Variants in TBK1 observed in about 807,000 individuals in gnomAD.
TBK1 encodes TANK binding kinase 1.
In TBK1, 37 loss-of-function variants were observed where a neutral mutation model predicts 99.9. The observed-to-expected ratio is 0.37, with a 90% CI of 0.28 to 0.49. The LOEUF is 0.49. Ranked by LOEUF, TBK1 falls within the 20% of genes least tolerant of loss-of-function variation. TBK1 has a pLI of 0.98. For missense variants in TBK1, 644 were observed against 872.5 expected (o/e 0.74, Z 3.30); for synonymous variants, 258 against 279.8 (o/e 0.92, Z 0.78).
At chr12:64,484,010 TACACACACACACACACACAC>T (rs71092971) in intron 8 of TBK1, 1 of 153,816 alleles carries the variant, frequency 6.5e-6, no homozygotes, top group African/African-American at 2.6e-5. Context: ...CTGTCTCACA[TACACACACACACACACACAC>T]ACACACACAC....
intron 1 of TBK1, among the ~76,000 whole-genome samples, chr12:64,454,723 C>T (rs1408132429): frequency 7.4e-6 from 1 of 135,160 alleles, no homozygotes; most frequent in African/African-American, 2.7e-5. Flanking sequence ...GTCACCCAGC[C>T]TGGAGTGCAG....
At chr12:64,468,147 C>A (rs1328637323) in intron 5 of TBK1, among the ~76,000 whole-genome samples, 1 of 151,986 alleles carries the variant, frequency 6.6e-6, no homozygotes, top group East Asian at 1.9e-4. Context: ...ATGATTGCAC[C>A]ACTGCAATCT....
In TBK1 at chr12:64,492,802, T is replaced by C. The variant is rs573916216; in HGVS notation, c.1522-2681T>C. The stretch of plus-strand genomic sequence containing the variant: ...CAATGGCGTAATCTCGGCTCACTGC[T>C]ACCTCCACCTCCTGGGTTCAAGTGA... On this transcript the variant is annotated intron_variant, in intron 13 of 20. Coordinates refer to ENST00000331710, the MANE Select transcript of TBK1 (RefSeq NM_013254.4). Among the ~76,000 whole-genome samples, 10 of 150,676 alleles carry C rather than the reference T, an allele frequency of 6.6e-5. No homozygotes were observed. The East Asian group carries it at 1.6e-3, about 24-fold the overall frequency.
chr12:64,485,534 C>T, intron 10 of TBK1, 21 bp downstream of exon 10: 2 of 1,316,286 alleles, frequency 1.5e-6, no homozygotes, highest in Non-Finnish European at 1.1e-6. Context: ...AATTTAATTA[C>T]TATGTAAACA....
intron 20 of TBK1, among the ~76,000 whole-genome samples, chr12:64,499,744 C>T (rs185599126): frequency 2.4e-5 from 3 of 122,850 alleles, no homozygotes; most frequent in East Asian, 2.6e-4. Context: ...TGTCGCCAGG[C>T]GGGAGTGCAG....
At chr12:64,484,246 A>G in intron 8 of TBK1, 57 bp from the exon 9 acceptor site, 1 of 1,129,084 alleles carries the variant, frequency 8.9e-7, no homozygotes, top group Non-Finnish European at 1.3e-6. Flanking sequence ...CATTTAAAAT[A>G]TTTTGCCTCT....
At chr12:64,475,377 AGTGAACGT>A (rs769669925) in intron 6 of TBK1, among the ~76,000 whole-genome samples, 33 of 152,308 alleles carry the variant, frequency 2.2e-4, no homozygotes, top group Middle Eastern at 3.4e-3. Context: ...TCACCCAGAT[AGTGAACGT>A]GGTACCGAAT....
rs116870042 is a variant in TBK1 at position 64,453,118 on chromosome 12, T to A, written c.-32+931T>A. The stretch of plus-strand genomic sequence containing the variant: ...ATGCTTGTCAAAAATTTGGGAAGAT[T>A]TATATGGCAAGCACGTTGTGGGTGT... On this transcript the variant is annotated intron_variant, in intron 1 of 20. Transcript: ENST00000331710. 9.4e-3 allele frequency among the ~76,000 whole-genome samples: 1,430 copies of A among 152,306 alleles called. 8 individuals are homozygous for A. The highest frequency in any genetic ancestry group is 0.016 in the Non-Finnish European group (1,079 of 68,016).
chr12:64,484,618 G>C, intron 9 of TBK1, 119 bp downstream of exon 9: 2 of 937,168 alleles, frequency 2.1e-6, no homozygotes, highest in Non-Finnish European at 1.5e-6. Context: ...GGGGCATGGT[G>C]GCTTGCACCT....
intron 11 of TBK1, among the ~76,000 whole-genome samples, chr12:64,487,657 T>C (rs1250318817): frequency 6.6e-6 from 1 of 152,222 alleles, no homozygotes; most frequent in Non-Finnish European, 1.5e-5. Flanking sequence ...TATAGTCCAA[T>C]AAGTCATGAG....
intron 4 of TBK1, 48 bp downstream of exon 4, chr12:64,464,511 A>G (rs1239729456): frequency 2.1e-6 from 3 of 1,420,298 alleles, no homozygotes; most frequent in Non-Finnish European, 2.8e-6. Flanking sequence ...AAATTTAATA[A>G]CAGAATTTTT....
chr12:64,460,605 G>A (rs1044189956), intron 3 of TBK1, among the ~76,000 whole-genome samples: 3 of 152,094 alleles, frequency 2.0e-5, no homozygotes, highest in Non-Finnish European at 4.4e-5. Flanking sequence ...GGAGACCGAG[G>A]CAGGTAGATC....
Position 64,466,956 on chromosome 12 carries a change from A to G in TBK1, c.414A>G (p.Pro138=). The G allele has an allele frequency of 6.2e-7, 1 of 1,612,970 alleles. No individual in the cohort carries two copies. The highest frequency in any genetic ancestry group is 8.5e-7 in the Non-Finnish European group (1 of 1,179,456). Residue 138 remains proline, a synonymous_variant, in exon 5 of 21, where the codon CCA becomes CCG. Coordinates refer to ENST00000331710, the MANE Select transcript of TBK1 (RefSeq NM_013254.4). ...ENGIVHRDIK[P]GNIMRVIGED... ...GTATAGTGCACCGTGATATCAAGCC[A>G]GGAAATATCATGCGTGTTATAGGGG... is the stretch of plus-strand genomic sequence containing the variant.
chr12:64,471,552 C>T (rs935501617), intron 5 of TBK1, among the ~76,000 whole-genome samples: 2 of 152,028 alleles, frequency 1.3e-5, no homozygotes, highest in African/African-American at 2.4e-5. Context: ...GAGGTTTCAC[C>T]ATGTTGGCCA....
In TBK1 at chr12:64,480,000, G is replaced by C. The variant is rs768964672; in HGVS notation, c.702-12G>C. ...GAACTGCTTATTTTATTCTGCTTTT[G>C]TTCCTCCCAAGGTATAAAATAATTA... On this transcript the variant is annotated splice_polypyrimidine_tract_variant and intron_variant, in intron 6 of 20. Transcript: ENST00000331710. 4 of 1,588,694 alleles carry C rather than the reference G, an allele frequency of 2.5e-6. No homozygotes were observed. The East Asian group carries it at 9.0e-5, about 36-fold the overall frequency.
chr12:64,476,988 C>T (rs1308331956), intron 6 of TBK1, among the ~76,000 whole-genome samples: 1 of 152,036 alleles, frequency 6.6e-6, no homozygotes, highest in South Asian at 2.1e-4. Context: ...AGATGTATGG[C>T]TTTATTTTAG....
chr12:64,455,514 G>A (rs972622590), intron 1 of TBK1, among the ~76,000 whole-genome samples: 3 of 152,144 alleles, frequency 2.0e-5, no homozygotes, highest in African/African-American at 4.8e-5. Flanking sequence ...TAACACCAAA[G>A]AGTTAAGCAC....
intron 18 of TBK1, 98 bp from the exon 19 acceptor site, chr12:64,497,550 T>TA: frequency 1.3e-6 from 1 of 787,290 alleles, no homozygotes; most frequent in Non-Finnish European, 2.0e-6. Context: ...AAGGACTTAT[T>TA]AAAAGCTGTA....
intron 5 of TBK1, among the ~76,000 whole-genome samples, chr12:64,472,870 G>A (rs2040675906): frequency 6.6e-6 from 1 of 152,234 alleles, no homozygotes; most frequent in Non-Finnish European, 1.5e-5. Flanking sequence ...TGGGCTACAT[G>A]TGGCCCACAG....
Sources: gnomAD v4.1 joint callset for allele counts (sites outside exome capture counted in the v4.1 genomes callset) on GRCh38, gnomAD v4.1.1 for gene constraint, MANE v1.5 for transcripts, NCBI Gene and HGNC (gene_info 2026-07-23, HGNC 2026-07-21) for gene names.